The following ADGB variants were observed in gnomAD, a reference collection of about 807,000 sequenced individuals.
The protein encoded by ADGB is androglobin.
In ADGB, 172 loss-of-function variants were observed where a neutral mutation model predicts 210.5. The observed-to-expected ratio is 0.82, with a 90% confidence interval of 0.72 to 0.93. The LOEUF is 0.93. Among genes scored for constraint, ADGB ranks in the 40% least tolerant of loss-of-function variants. ADGB has a pLI of 0.00. For synonymous variants in ADGB, 658 were observed against 662.7 expected (o/e 0.99, Z 0.11); for missense variants, 2,025 against 1,964.8 (o/e 1.03, Z -0.58).
intron 4 of ADGB, among the ~76,000 whole-genome samples, chr6:146,656,441 C>A (rs1405052741): frequency 6.6e-6 from 1 of 152,180 alleles, no homozygotes; most frequent in Non-Finnish European, 1.5e-5. Flanking sequence ...CAGAAGCTTT[C>A]TCTCTCTCAC....
chr6:146,767,243 A>T (rs1777588834), intron 28 of ADGB, among the ~76,000 whole-genome samples: 1 of 152,244 alleles, frequency 6.6e-6, no homozygotes, highest in Admixed American at 6.5e-5. Context: ...CCACAATGAT[A>T]CAAAGAACAA....
chr6:146,758,254 G>A (rs1159578173), intron 27 of ADGB, among the ~76,000 whole-genome samples: 2 of 151,932 alleles, frequency 1.3e-5, no homozygotes, highest in Non-Finnish European at 2.9e-5. Flanking sequence ...CTTTAAAATG[G>A]CTGTTTTCTT....
intron 1 of ADGB, among the ~76,000 whole-genome samples, chr6:146,621,918 T>G (rs1780900864): frequency 6.6e-6 from 1 of 152,158 alleles, no homozygotes; most frequent in Admixed American, 6.5e-5. Flanking sequence ...AGGAGTAGAA[T>G]GGCTATATCA....
chr6:146,737,770 G>C (rs1230111625), intron 23 of ADGB, among the ~76,000 whole-genome samples: 4 of 152,160 alleles, frequency 2.6e-5, no homozygotes, highest in African/African-American at 9.7e-5. Context: ...GTCCCTATTA[G>C]GGAATAGGAT....
intron 13 of ADGB, among the ~76,000 whole-genome samples, chr6:146,712,494 G>GT (rs1269260330): frequency 2.0e-5 from 3 of 151,440 alleles, no homozygotes; most frequent in Admixed American, 6.6e-5. Context: ...GCCCTGGGTT[G>GT]TTTTTTTTGT....
rs1440678136 is a variant in ADGB at position 146,717,062 on chromosome 6, T to A, written c.1921T>A (p.Cys641Ser). ...IWLDFEDFCV[C>S]FQNIYIFHKP... is the part of the protein sequence containing the mutation. ...GTTAGATTTTGAAGATTTCTGTGTA[T>A]GCTTTCAGTAAGTATACCAATGGGA... is the stretch of plus-strand genomic sequence containing the variant. The change falls in exon 15 of 36, where the codon TGC becomes AGC. Residue 641 changes from cysteine to serine, a missense_variant. Transcript: ENST00000397944. The A allele has an allele frequency of 2.6e-6, 4 of 1,550,416 alleles. No homozygotes were observed. The South Asian group carries it at 3.6e-5, about 14-fold the overall frequency.
At chr6:146,813,879 T>C (rs1480523825) in intron 35 of ADGB, among the ~76,000 whole-genome samples, 2 of 152,208 alleles carry the variant, frequency 1.3e-5, no homozygotes, top group Non-Finnish European at 1.5e-5. Flanking sequence ...AGAGAGAGCC[T>C]GAGTTTTGAT....
At chr6:146,674,327 A>T (rs1469282951) in intron 8 of ADGB, among the ~76,000 whole-genome samples, 1 of 152,134 alleles carries the variant, frequency 6.6e-6, no homozygotes, top group Non-Finnish European at 1.5e-5. Flanking sequence ...GACAGAATAT[A>T]TATTTGTGAA....
intron 23 of ADGB, among the ~76,000 whole-genome samples, chr6:146,737,841 A>G (rs1197621658): frequency 6.6e-6 from 1 of 152,214 alleles, no homozygotes; most frequent in Non-Finnish European, 1.5e-5. Flanking sequence ...GTTCTTCTCC[A>G]TGTGATCTTT....
chr6:146,623,877 G>A (rs1200655891), intron 1 of ADGB, among the ~76,000 whole-genome samples: 2 of 151,756 alleles, frequency 1.3e-5, no homozygotes, highest in African/African-American at 4.8e-5. Context: ...GAATTACATT[G>A]ATTGATTATC....
chr6:146,600,688 C>A (rs1389092059), intron 1 of ADGB, among the ~76,000 whole-genome samples: 1 of 151,080 alleles, frequency 6.6e-6, no homozygotes, highest in Non-Finnish European at 1.5e-5. Flanking sequence ...GCTCATTTAA[C>A]ATGCTATATA....
Position 146,669,785 on chromosome 6 carries a change from C to T in ADGB, c.840-2435C>T, listed in dbSNP as rs1583582514. On this transcript the variant is annotated intron_variant, in intron 7 of 35. Coordinates refer to ENST00000397944, the MANE Select transcript of ADGB (RefSeq NM_024694.4). ...AAGTTTATGCCTGGTCACCATTGCC[C>T]GAACTCTAGACTGTATTTATCTACA... Among the ~76,000 whole-genome samples the T allele has an allele frequency of 2.6e-5, 4 of 152,114 alleles. No individual in the cohort carries two copies. The South Asian group carries it at 8.3e-4, about 32-fold the overall frequency.
Position 146,792,856 on chromosome 6 carries a change from C to G in ADGB, c.4537+4246C>G, listed in dbSNP as rs555318532. Among the ~76,000 whole-genome samples, 13 of 152,104 alleles carry G rather than the reference C, an allele frequency of 8.5e-5. No homozygotes were observed. The South Asian group carries it at 2.3e-3, about 27-fold the overall frequency. On this transcript the variant is annotated intron_variant, in intron 33 of 35. Transcript: ENST00000397944. ...TTTATTATCATTTTAATGTTTGCAC[C>G]CCGTTGTGTCTGGAGTTGGTTCCTT...
chr6:146,612,628 A>T (rs1313654979), intron 1 of ADGB, among the ~76,000 whole-genome samples: 2 of 152,190 alleles, frequency 1.3e-5, no homozygotes, highest in African/African-American at 4.8e-5. Context: ...AAACATTCTC[A>T]TTCCCTTTTC....
chr6:146,738,939 G>A (rs1020552206), intron 23 of ADGB, among the ~76,000 whole-genome samples: 4 of 152,090 alleles, frequency 2.6e-5, no homozygotes, highest in South Asian at 2.1e-4. Flanking sequence ...TGAGGGCATC[G>A]TATCAGATAA....
chr6:146,803,817 T>C, intron 35 of ADGB: 1 of 460,092 alleles, frequency 2.2e-6, no homozygotes, highest in Admixed American at 3.9e-5. Flanking sequence ...CTGGGCCGAG[T>C]CCCACTCAGG....
chr6:146,745,288 A>ATCATGCTT (rs1165976787), intron 25 of ADGB, among the ~76,000 whole-genome samples: 9 of 152,184 alleles, frequency 5.9e-5, no homozygotes, highest in African/African-American at 2.2e-4. Context: ...CTATTATGAT[A>ATCATGCTT]TCATGCTTTT....
intron 26 of ADGB, 104 bp from the exon 27 acceptor site, chr6:146,752,426 T>G (rs1250121522): frequency 1.9e-6 from 2 of 1,037,434 alleles, no homozygotes; most frequent in East Asian, 5.3e-5. Flanking sequence ...GGTCACAGTT[T>G]GACAGCAGAT....
At chr6:146,705,959 T>C (rs1455491737) in intron 13 of ADGB, among the ~76,000 whole-genome samples, 2 of 152,180 alleles carry the variant, frequency 1.3e-5, no homozygotes, top group African/African-American at 4.8e-5. Context: ...GGTCTTTCCC[T>C]GTTGCCAAGG....
Sources: gnomAD v4.1 joint callset for allele counts (sites outside exome capture counted in the v4.1 genomes callset) on GRCh38, gnomAD v4.1.1 for gene constraint, MANE v1.5 for transcripts, NCBI Gene and HGNC (gene_info 2026-07-23, HGNC 2026-07-21) for gene names.